Variants in ANKFN1 observed in about 807,000 individuals in gnomAD.
ANKFN1 encodes the protein ankyrin repeat and fibronectin type-III domain-containing protein 1.
Under a neutral mutation model 108.7 loss-of-function variants are expected in ANKFN1, and 74 were observed. The observed-to-expected ratio is 0.68, with a 90% CI of 0.56 to 0.83. The LOEUF is 0.83. ANKFN1 is among the 40% of genes least tolerant of loss of function. The pLI, the probability that ANKFN1 is intolerant of heterozygous loss-of-function variation, is 0.00. For synonymous variants in ANKFN1, 547 were observed against 516.2 expected, an observed-to-expected ratio of 1.06 and a Z score of -0.81; for missense variants, 1,505 against 1,382.3, an observed-to-expected ratio of 1.09 and a Z score of -1.41.
chr17:56,107,367 C>T (rs770474089), intron 4 of ANKFN1, among the ~76,000 whole-genome samples: 7 of 152,178 alleles, frequency 4.6e-5, no homozygotes, highest in East Asian at 1.9e-4. Flanking sequence ...AAAGGCCAAT[C>T]GCTAGACCAT....
chr17:56,153,436 T>A, upstream of ANKFN1: 3 of 1,576,590 alleles, frequency 1.9e-6, no homozygotes, highest in South Asian at 2.2e-5. Flanking sequence ...CGGGACCGTG[T>A]GGACATTCGC....
chr17:56,353,777 A>G, intron 5 of ANKFN1, 59 bp from the exon 6 acceptor site: 1 of 1,498,050 alleles, frequency 6.7e-7, no homozygotes, highest in Non-Finnish European at 9.3e-7. Flanking sequence ...CAAAAGAGCT[A>G]AGCTACAAAG....
chr17:56,065,500 C>G (rs1034130214), intron 4 of ANKFN1, among the ~76,000 whole-genome samples: 3 of 152,182 alleles, frequency 2.0e-5, no homozygotes, highest in Admixed American at 2.0e-4. Context: ...TCTGAGATGC[C>G]TTTCTCGCTA....
chr17:56,351,022 G>T, intron 5 of ANKFN1, 55 bp downstream of exon 5: 1 of 1,548,896 alleles, frequency 6.5e-7, no homozygotes. Context: ...TTATGTTTGG[G>T]TTTAAGGATA....
At chr17:56,170,799 T>TACAC (rs1325475648) in intron 1 of ANKFN1, among the ~76,000 whole-genome samples, 5 of 62,820 alleles carry the variant, frequency 8.0e-5, no homozygotes, top group African/African-American at 2.4e-4. Context: ...TATATATATA[T>TACAC]ATATATATAC....
chr17:56,436,552 G>T (rs1268751643), intron 8 of ANKFN1, among the ~76,000 whole-genome samples: 1 of 152,050 alleles, frequency 6.6e-6, no homozygotes, highest in Non-Finnish European at 1.5e-5. Context: ...GGCCGGGCAC[G>T]GTGGCTCATG....
chr17:56,314,318 A>G (rs1325526729), intron 3 of ANKFN1, among the ~76,000 whole-genome samples: 1 of 152,124 alleles, frequency 6.6e-6, no homozygotes, highest in African/African-American at 2.4e-5. Flanking sequence ...CATAAGGTAT[A>G]TTATATTTAA....
intron 8 of ANKFN1, among the ~76,000 whole-genome samples, chr17:56,391,327 T>C (rs900872166): frequency 1.4e-5 from 2 of 147,088 alleles, no homozygotes; most frequent in African/African-American, 5.1e-5. Flanking sequence ...TGTACATATA[T>C]ATATATATGT....
chr17:56,342,004 G>A, intron 4 of ANKFN1, among the ~76,000 whole-genome samples: 1 of 151,882 alleles, frequency 6.6e-6, no homozygotes, highest in African/African-American at 2.4e-5. Flanking sequence ...GCCTCTTCAG[G>A]GATTCAGTTT....
At chr17:56,401,133 G>A (rs991471723) in intron 8 of ANKFN1, among the ~76,000 whole-genome samples, 5 of 151,990 alleles carry the variant, frequency 3.3e-5, no homozygotes, top group African/African-American at 9.7e-5. Context: ...GAATGATGGT[G>A]GTATTTTGAT....
chr17:56,408,425 G>T (rs1400354921), intron 8 of ANKFN1, among the ~76,000 whole-genome samples: 1 of 152,008 alleles, frequency 6.6e-6, no homozygotes, highest in East Asian at 1.9e-4. Flanking sequence ...ATTAATATAG[G>T]TATAAATTAC....
chr17:56,285,512 T>A (rs1311132825), intron 3 of ANKFN1, among the ~76,000 whole-genome samples: 1 of 152,184 alleles, frequency 6.6e-6, no homozygotes, highest in Non-Finnish European at 1.5e-5. Context: ...TGGATGTAGA[T>A]GCAATTCACC....
intron 4 of ANKFN1, among the ~76,000 whole-genome samples, chr17:56,060,793 G>A (rs1298676036): frequency 6.6e-6 from 1 of 152,136 alleles, no homozygotes; most frequent in East Asian, 1.9e-4. Flanking sequence ...ACTTGATCGT[G>A]GTGTATATTT....
At chr17:56,265,342 G>A (rs774909317) in intron 3 of ANKFN1, among the ~76,000 whole-genome samples, 8 of 152,148 alleles carry the variant, frequency 5.3e-5, no homozygotes, top group African/African-American at 1.4e-4. Context: ...GGTATCAGGC[G>A]AGAAAGAGAG....
chr17:56,431,235 G>T (rs2048744462), intron 8 of ANKFN1, among the ~76,000 whole-genome samples: 1 of 152,138 alleles, frequency 6.6e-6, no homozygotes, highest in African/African-American at 2.4e-5. Flanking sequence ...TCCCAGTTAT[G>T]CCACTTGTTA....
At chr17:56,187,070 C>A (rs990567064) in intron 1 of ANKFN1, among the ~76,000 whole-genome samples, 3 of 152,078 alleles carry the variant, frequency 2.0e-5, no homozygotes, top group Non-Finnish European at 4.4e-5. Context: ...GCAACAAAAG[C>A]CAAAATTGAC....
chr17:56,278,997 C>T (rs554190051), intron 3 of ANKFN1, among the ~76,000 whole-genome samples: 1 of 152,204 alleles, frequency 6.6e-6, no homozygotes, highest in East Asian at 1.9e-4. Flanking sequence ...AGCTGTGAGA[C>T]TTTTGCTGGA....
In ANKFN1 at chr17:56,102,132, T is replaced by C. The variant is rs573218082; in HGVS notation, c.288+55807T>C. ...TATACTAGTGAAGCCACATCCTATG[T>C]GTGTACAAAAAAGAACTCATTGTAA... On this transcript the variant is annotated intron_variant, in intron 4 of 12. Transcript: ENST00000635860. Among the ~76,000 whole-genome samples, 3 of 152,332 alleles carry C rather than the reference T, an allele frequency of 2.0e-5. No homozygotes were observed. In the East Asian group the frequency reaches 5.8e-4, roughly 29 times the overall value.
intron 4 of ANKFN1, among the ~76,000 whole-genome samples, chr17:56,327,261 G>A (rs1363904859): frequency 2.6e-5 from 4 of 151,776 alleles, no homozygotes; most frequent in South Asian, 2.1e-4. Flanking sequence ...CACCATCCCC[G>A]CCCCCACCAG....
Sources: gnomAD v4.1 joint callset for allele counts (sites outside exome capture counted in the v4.1 genomes callset) on GRCh38, gnomAD v4.1.1 for gene constraint, MANE v1.5 for transcripts, NCBI Gene and HGNC (gene_info 2026-07-23, HGNC 2026-07-21) for gene names.